Variants in AHRR observed in about 807,000 individuals in gnomAD.
AHRR encodes ahR repressor.
In AHRR, 28 loss-of-function variants were observed where a neutral mutation model predicts 44.0. The observed-to-expected ratio is 0.64, with a 90% CI of 0.47 to 0.87. The LOEUF is 0.87. AHRR is among the 40% of genes least tolerant of loss of function. The pLI is 0.00. For missense variants in AHRR, 990 were observed against 953.9 expected (o/e 1.04, Z -0.50); for synonymous variants, 434 against 407.0 (o/e 1.07, Z -0.80).
rs1734205249 is a variant in AHRR, at chr5:387,270, C to T, written c.351+10554C>T. ...CTGCTTACGTCCCCCACCCTGCTGCCTCCTGGGGATGACTCCTGGTCTTCT... is the reference window on the plus strand; with the variant it reads ...CTGCTTACGTCCCCCACCCTGCTGCTTCCTGGGGATGACTCCTGGTCTTCT... On this transcript the variant is annotated intron_variant, in intron 4 of 10. Transcript: ENST00000684583. The surrounding 1 kb of genome is among the most constrained non-coding windows in gnomAD (Gnocchi z 5.1). 6.6e-6 allele frequency among the ~76,000 whole-genome samples: 1 copy of T among 152,250 alleles called. No homozygotes were observed. The highest frequency in any genetic ancestry group is 2.4e-5 in the African/African-American group (1 of 41,468).
rs1210746318 is a variant in AHRR at position 395,244 on chromosome 5, C to T, written c.352-18100C>T. ...GCCGACACTGGCTGCCCTGCGTCCCCATTCCCTGAATGACACTGGTGCGGA... is the reference window on the plus strand; with the variant it reads ...GCCGACACTGGCTGCCCTGCGTCCCTATTCCCTGAATGACACTGGTGCGGA... On this transcript the variant is annotated intron_variant, in intron 4 of 10. Transcript: ENST00000684583. This position sits in a 1 kb window ranked among gnomAD's most constrained non-coding sequence, Gnocchi z 5.3. 6.6e-6 allele frequency among the ~76,000 whole-genome samples: 1 copy of T among 152,224 alleles called. No homozygotes were observed. The highest frequency in any genetic ancestry group is 1.5e-5 in the Non-Finnish European group (1 of 68,038).
chr5:376,120 A>G (rs1189018082), intron 3 of AHRR, among the ~76,000 whole-genome samples: 5 of 108,100 alleles, frequency 4.6e-5, no homozygotes, highest in Non-Finnish European at 8.8e-5. Context: ...TGCAGGGCAC[A>G]GAAGACCCAG....
chr5:347,902 C>T (rs537280256), intron 2 of AHRR, among the ~76,000 whole-genome samples: 3 of 152,326 alleles, frequency 2.0e-5, no homozygotes, highest in African/African-American at 7.2e-5. Flanking sequence ...ACCTGAGGGC[C>T]GTGTCCAGTG....
intron 4 of AHRR, among the ~76,000 whole-genome samples, chr5:390,126 G>A (rs1010902365): frequency 2.6e-5 from 4 of 152,098 alleles, no homozygotes; most frequent in Admixed American, 1.3e-4. Context: ...ACAGAGGCCC[G>A]GCATCTGTGG....
At chr5:327,694 C>A (rs114168516) in intron 1 of AHRR, among the ~76,000 whole-genome samples, 1,841 of 152,166 alleles carry the variant, frequency 0.012, 16 homozygotes, top group Non-Finnish European at 0.018. Flanking sequence ...TGAGTGCAGG[C>A]GTCTTTTTGA....
At chr5:329,814 T>G (rs1327925708) in intron 1 of AHRR, among the ~76,000 whole-genome samples, 2 of 152,246 alleles carry the variant, frequency 1.3e-5, no homozygotes, top group African/African-American at 4.8e-5. Context: ...ATATGTTGCT[T>G]TTGTATTCTA....
At position 345,333 on chromosome 5, in the gene AHRR, G is replaced by T. The variant is rs909650762; in HGVS notation, c.62+1369G>T. On this transcript the variant is annotated intron_variant, in intron 2 of 10. Coordinates refer to ENST00000684583, the MANE Select transcript of AHRR (RefSeq NM_001377236.1). ...GGGGATGTGTGTGTGTGTGTGTGTG[G>T]GGATGTGTGTGTGTGTGTGTCGGAT... is the stretch of plus-strand genomic sequence containing the variant. Among the ~76,000 whole-genome samples, 13 of 14,954 alleles carry T rather than the reference G, an allele frequency of 8.7e-4. 1 individual carries two copies. Among genetic ancestry groups the T allele is most frequent in the African/African-American group, 2.4e-3 (8 of 3,364 alleles). The allele number at this position is 14,954 out of a possible 152,430, so 9.8% of individuals were successfully genotyped here. A position where few individuals can be genotyped will look rare whatever the true frequency, so the allele number is the denominator to read the frequency against.
chr5:376,557 A>AACCGCG (rs368685976), intron 3 of AHRR, 53 bp from the exon 4 acceptor site: 1 of 1,403,422 alleles, frequency 7.1e-7, no homozygotes, highest in Non-Finnish European at 9.6e-7. Flanking sequence ...AATGAAGAAG[A>AACCGCG]GTGGCCAGGC....
intron 4 of AHRR, among the ~76,000 whole-genome samples, chr5:399,638 C>T (rs1463500587): frequency 1.3e-5 from 2 of 152,198 alleles, no homozygotes; most frequent in East Asian, 1.9e-4. Flanking sequence ...TGAATTAACT[C>T]GCCAAGGGTT....
intron 7 of AHRR, 132 bp downstream of exon 7, chr5:424,109 G>A (rs1369782865): frequency 1.5e-6 from 2 of 1,338,148 alleles, no homozygotes; most frequent in East Asian, 2.4e-5. Context: ...ACGGGGGCCG[G>A]TGCTGAGCTC....
At chr5:413,004 G>A (rs1735533085) in intron 4 of AHRR, among the ~76,000 whole-genome samples, 2 of 152,286 alleles carry the variant, frequency 1.3e-5, no homozygotes, top group South Asian at 2.1e-4. Flanking sequence ...CAGACAGTGT[G>A]TAGGAGGAGG....
chr5:343,928 A>G lies in AHRR; in HGVS notation c.26A>G (p.Tyr9Cys). The G allele has an allele frequency of 6.2e-7, 1 of 1,601,074 alleles. No homozygotes were observed. Among genetic ancestry groups the G allele is most frequent in the Non-Finnish European group, 8.5e-7 (1 of 1,174,412 alleles). MIPPGECT[Y>C]AGRKRRRPLQ... ...ATGATCCCGCCGGGGGAGTGCACGT[A>G]CGCGGGCCGGAAGCGGAGGAGGCCC... The change falls in exon 2 of 11, where the codon TAC becomes TGC. Residue 9 changes from tyrosine (Y) to cysteine (C), a missense_variant. By Grantham distance (194) the Tyr-to-Cys change is radical. Coordinates refer to ENST00000684583, the MANE Select transcript of AHRR (RefSeq NM_001377236.1).
chr5:395,333 A>C lies in AHRR; in HGVS notation c.352-18011A>C, dbSNP rs1301599707. Among the ~76,000 whole-genome samples the C allele has an allele frequency of 1.3e-5, 2 of 152,204 alleles. No individual in the cohort carries two copies. The highest frequency in any genetic ancestry group is 2.9e-5 in the Non-Finnish European group (2 of 68,022). On this transcript the variant is annotated intron_variant, in intron 4 of 10. Coordinates refer to ENST00000684583, the MANE Select transcript of AHRR (RefSeq NM_001377236.1). The surrounding 1 kb of genome is among the most constrained non-coding windows in gnomAD (Gnocchi z 5.3). ...GGTGGGATGCAGTTAGCTGAACGCC[A>C]GGCTGAGCAGGGTCCGAAAATTAGG...
chr5:433,134 C>CA (rs1261372076), intron 10 of AHRR, among the ~76,000 whole-genome samples, 187 bp downstream of exon 10: 1 of 152,224 alleles, frequency 6.6e-6, no homozygotes, highest in East Asian at 1.9e-4. Context: ...GACTGGAAGT[C>CA]ACGTGTGTCG....
chr5:324,713 T>C (rs1388831936), intron 1 of AHRR, among the ~76,000 whole-genome samples: 1 of 152,074 alleles, frequency 6.6e-6, no homozygotes, highest in Non-Finnish European at 1.5e-5. Flanking sequence ...TGCTTGAACC[T>C]GGGAGGTGGA....
In AHRR at chr5:423,978, G is replaced by A; in HGVS notation, c.708+1G>A. 1 of 1,598,412 alleles carries A rather than the reference G, an allele frequency of 6.3e-7. No homozygotes were observed. Among genetic ancestry groups the A allele is most frequent in the Non-Finnish European group, 8.5e-7 (1 of 1,178,850 alleles). ...GCTGGACAGCACCTCGGGCTTCCTG[G>A]TGAGTGCGTGGGTCCCTGGCAGGGG... is the stretch of plus-strand genomic sequence containing the variant. On this transcript the variant is annotated splice_donor_variant, in intron 7 of 10. Transcript: ENST00000684583. LOFTEE classifies it high-confidence loss of function.
At chr5:368,065 C>T (rs745745897) in intron 3 of AHRR, 55 of 609,804 alleles carry the variant, frequency 9.0e-5, no homozygotes, top group Non-Finnish European at 1.5e-4. Flanking sequence ...TTCATGGTTA[C>T]ATAACATAAT....
At chr5:345,538 CTGTGTGTGGGGATG>C (rs1392545212) in intron 2 of AHRR, among the ~76,000 whole-genome samples, 182 of 108,294 alleles carry the variant, frequency 1.7e-3, no homozygotes, top group African/African-American at 5.5e-3. Context: ...ATGTCTCTGG[CTGTGTGTGGGGATG>C]TGTGTGTGGG....
chr5:391,392 G>C (rs1462083899), intron 4 of AHRR, among the ~76,000 whole-genome samples: 17 of 124,902 alleles, frequency 1.4e-4, no homozygotes, highest in African/African-American at 5.3e-4. Flanking sequence ...GGCGAGGAGG[G>C]CGCAGGGCGA....
Sources: allele counts gnomAD v4.1 joint callset (sites outside exome capture counted in the v4.1 genomes callset), GRCh38; gene constraint gnomAD v4.1.1; non-coding constraint Gnocchi (gnomAD v3.1); transcripts MANE v1.5; gene names NCBI Gene and HGNC (gene_info 2026-07-23, HGNC 2026-07-21).